Variants in LOC400499 observed in about 807,000 individuals in gnomAD.
the LOC400499 span, chr16:11,460,989 G>C: frequency 1.3e-6 from 2 of 1,535,588 alleles, no homozygotes; most frequent in South Asian, 1.2e-5. Context: ...GGATCCTCAG[G>C]GAGTTGGTCC....
the LOC400499 span, chr16:11,384,003 A>C: frequency 1.6e-6 from 2 of 1,231,668 alleles, no homozygotes; most frequent in Non-Finnish European, 2.0e-6. Flanking sequence ...TGCAGTCACC[A>C]CCCACCTGGC....
chr16:11,520,645 C>A, the LOC400499 span, among the ~76,000 whole-genome samples: 2 of 119,510 alleles, frequency 1.7e-5, no homozygotes, highest in African/African-American at 6.7e-5. Context: ...CCAGCCTGGG[C>A]GACAGAGTGA....
At chr16:11,409,413 A>G in the LOC400499 span, among the ~76,000 whole-genome samples, 3,225 of 152,304 alleles carry the variant, frequency 0.021, 44 homozygotes, top group Non-Finnish European at 0.032. Context: ...TGTAACAGCC[A>G]TGTCTATTCA....
chr16:11,392,669 C>A, the LOC400499 span: 7 of 617,188 alleles, frequency 1.1e-5, no homozygotes, highest in African/African-American at 1.2e-4. Flanking sequence ...CACCTGAAGC[C>A]CCCTCTTCTG....
chr16:11,523,281 G>A, the LOC400499 span: 6 of 397,096 alleles, frequency 1.5e-5, no homozygotes, highest in Non-Finnish European at 2.2e-5. Flanking sequence ...CTCCCAACTG[G>A]TATCTTTGGG....
At chr16:11,468,375 G>A in the LOC400499 span, among the ~76,000 whole-genome samples, 1 of 151,780 alleles carries the variant, frequency 6.6e-6, no homozygotes, top group Non-Finnish European at 1.5e-5. Context: ...CCAGGCTGGA[G>A]TGCAGTGGCA....
At chr16:11,483,994 CTTTTTTTTTTTTTTTTTTT>C in the LOC400499 span, among the ~76,000 whole-genome samples, 2 of 34,828 alleles carry the variant, frequency 5.7e-5, 1 homozygote, top group Admixed American at 1.1e-3. Context: ...GAGGAAGGGA[CTTTTTTTTTTTTTTTTTTT>C]TTTTTTTTTT....
chr16:11,466,542 CCATACCCGG>C, the LOC400499 span, among the ~76,000 whole-genome samples: 11 of 152,218 alleles, frequency 7.2e-5, no homozygotes, highest in Admixed American at 2.0e-4. Context: ...GAGCCTGCCA[CCATACCCGG>C]CTACTTTTTG....
the LOC400499 span, among the ~76,000 whole-genome samples, chr16:11,473,715 A>G: frequency 2.4e-4 from 37 of 151,332 alleles, no homozygotes; most frequent in African/African-American, 8.5e-4. Flanking sequence ...AGACCGCACC[A>G]TTGCACTCCA....
the LOC400499 span, among the ~76,000 whole-genome samples, chr16:11,415,613 G>C: frequency 2.0e-5 from 3 of 152,164 alleles, no homozygotes; most frequent in African/African-American, 7.2e-5. Context: ...AAGGAGACAG[G>C]GGACACAATC....
chr16:11,424,258 C>A, the LOC400499 span: 4 of 399,034 alleles, frequency 1.0e-5, no homozygotes, highest in East Asian at 7.1e-5. Context: ...TCTAGCTGAG[C>A]CCCCGCGTTC....
chr16:11,484,847 G>C, the LOC400499 span: 1 of 398,978 alleles, frequency 2.5e-6, no homozygotes. Context: ...GCCTGCCTGG[G>C]GGAGTACAGT....
At chr16:11,450,711 G>A in the LOC400499 span, 1 of 1,536,172 alleles carries the variant, frequency 6.5e-7, no homozygotes, top group Non-Finnish European at 8.7e-7. Context: ...TTAGGGTCCA[G>A]GCCTTGCCCA....
chr16:11,483,281 C>T, the LOC400499 span, among the ~76,000 whole-genome samples: 1 of 152,254 alleles, frequency 6.6e-6, no homozygotes, highest in Middle Eastern at 3.4e-3. Context: ...CATATACCTA[C>T]CATATGATCT....
At chr16:11,426,693 T>C in the LOC400499 span, among the ~76,000 whole-genome samples, 6 of 148,752 alleles carry the variant, frequency 4.0e-5, no homozygotes, top group African/African-American at 1.5e-4. Context: ...CTTTGGGAAG[T>C]TGAGGTAGGA....
the LOC400499 span, among the ~76,000 whole-genome samples, chr16:11,522,301 A>G: frequency 4.6e-5 from 7 of 152,304 alleles, no homozygotes; most frequent in African/African-American, 7.2e-5. Flanking sequence ...AATAAAGATA[A>G]TAACAGTAAG....
At chr16:11,527,049 T>A in the LOC400499 span, among the ~76,000 whole-genome samples, 3 of 152,220 alleles carry the variant, frequency 2.0e-5, no homozygotes, top group Non-Finnish European at 4.4e-5. Context: ...CCCCGGCGCA[T>A]CTGGACTGCC....
chr16:11,469,849 G>A, the LOC400499 span, among the ~76,000 whole-genome samples: 2 of 152,150 alleles, frequency 1.3e-5, no homozygotes. Flanking sequence ...TTCAGCAAAC[G>A]GCCAGGGAGA....
the LOC400499 span, among the ~76,000 whole-genome samples, chr16:11,429,341 C>T: frequency 6.6e-6 from 1 of 152,172 alleles, no homozygotes; most frequent in Non-Finnish European, 1.5e-5. Flanking sequence ...ACTTCCAGTA[C>T]AGCTTGCAGA....
Sources: gnomAD v4.1 joint callset for allele counts (sites outside exome capture counted in the v4.1 genomes callset) on GRCh38, gnomAD v4.1.1 for gene constraint, MANE v1.5 for transcripts.